OXR1: variants seen among roughly 807,000 people sequenced by gnomAD.
OXR1 encodes oxidation resistance protein 1.
Under a neutral mutation model 104.6 loss-of-function variants are expected in OXR1, and 41 were observed. The observed-to-expected ratio is 0.39, with a 90% CI of 0.31 to 0.51. The LOEUF is 0.51. OXR1 is among the 20% of genes least tolerant of loss of function. The pLI is 0.77. For missense variants in OXR1, 955 were observed against 1,031.9 expected (o/e 0.93, Z 1.02); for synonymous variants, 348 against 348.4 (o/e 1.00, Z 0.01).
intron 1 of OXR1, among the ~76,000 whole-genome samples, chr8:106,292,806 C>T (rs1450361046): frequency 3.9e-5 from 6 of 152,108 alleles, no homozygotes; most frequent in Admixed American, 1.3e-4. Context: ...TGTGAGGTAG[C>T]GAAAATCAAG....
intron 2 of OXR1, among the ~76,000 whole-genome samples, chr8:106,461,350 T>C (rs1820902356): frequency 6.6e-6 from 1 of 152,054 alleles, no homozygotes; most frequent in Admixed American, 6.6e-5. Context: ...GGTAGGTGGA[T>C]CACTTGAGGT....
chr8:106,697,337 GGC>G, intron 7 of OXR1: 1 of 979,948 alleles, frequency 1.0e-6, no homozygotes, highest in South Asian at 1.6e-5. Flanking sequence ...AGAGCTCTGG[GGC>G]TCTCTGGGAA....
chr8:106,668,020 A>G (rs1217850144), intron 3 of OXR1, among the ~76,000 whole-genome samples: 1 of 151,352 alleles, frequency 6.6e-6, no homozygotes, highest in East Asian at 1.9e-4. Flanking sequence ...ATCTTGTTTC[A>G]GTTTTAGGTG....
chr8:106,552,175 G>A (rs1468396001), intron 3 of OXR1, among the ~76,000 whole-genome samples: 3 of 152,042 alleles, frequency 2.0e-5, no homozygotes, highest in Non-Finnish European at 4.4e-5. Context: ...AGAACAGGGA[G>A]GATTTATTCA....
chr8:106,703,586 T>A (rs1015481562), intron 8 of OXR1, among the ~76,000 whole-genome samples: 13 of 152,072 alleles, frequency 8.5e-5, no homozygotes, highest in Admixed American at 8.5e-4. Flanking sequence ...CAGTGTAAAG[T>A]ACAGGGAAGA....
chr8:106,549,937 T>G (rs1028460029), intron 3 of OXR1, among the ~76,000 whole-genome samples: 2 of 152,168 alleles, frequency 1.3e-5, no homozygotes, highest in Non-Finnish European at 2.9e-5. Flanking sequence ...TTAGCAGAGG[T>G]CACCTTGAAT....
chr8:106,509,847 C>T (rs1329989135), intron 2 of OXR1, among the ~76,000 whole-genome samples: 1 of 152,214 alleles, frequency 6.6e-6, no homozygotes. Flanking sequence ...TCTCAGCTCA[C>T]TGAGCCTCTG....
At chr8:106,410,443 A>G (rs1398305422) in intron 2 of OXR1, among the ~76,000 whole-genome samples, 2 of 152,164 alleles carry the variant, frequency 1.3e-5, no homozygotes, top group African/African-American at 4.8e-5. Context: ...AGAAATATGT[A>G]ATTCCTTCAA....
rs1825288565 is a variant in OXR1, at chr8:106,657,888, G to A, written c.221-21322G>A. The A allele has an allele frequency of 4.8e-6, 6 of 1,245,252 alleles. No homozygotes were observed. In the East Asian group the frequency reaches 9.5e-5, roughly 20 times the overall value. The allele number at this position is 1,245,252 out of a possible 1,614,324, so 77.1% of individuals were successfully genotyped here. A position where few individuals can be genotyped will look rare whatever the true frequency, so the allele number is the denominator to read the frequency against. On this transcript the variant is annotated intron_variant, in intron 3 of 16. Coordinates refer to ENST00000517566, the MANE Select transcript of OXR1 (RefSeq NM_001198533.2). ...GAGGCGCGCGGAGCCGCCTCCCCTG[G>A]GTCAGGTCTGATGGGCCGGTGGGCG...
At chr8:106,281,288 G>T (rs1586466962) in intron 1 of OXR1, among the ~76,000 whole-genome samples, 1 of 152,202 alleles carries the variant, frequency 6.6e-6, no homozygotes, top group African/African-American at 2.4e-5. Context: ...GTTCATAATT[G>T]CTCCAAATTG....
intron 2 of OXR1, among the ~76,000 whole-genome samples, chr8:106,404,824 G>A (rs1818150887): frequency 6.6e-6 from 1 of 151,926 alleles, no homozygotes; most frequent in African/African-American, 2.4e-5. Context: ...TCCTGCCTCA[G>A]CCTCCTGAGT....
At chr8:106,321,379 G>A (rs1402755775) in intron 1 of OXR1, among the ~76,000 whole-genome samples, 1 of 152,156 alleles carries the variant, frequency 6.6e-6, no homozygotes, top group Non-Finnish European at 1.5e-5. Flanking sequence ...GAGGGTCCTT[G>A]GACAGTGGAC....
chr8:106,409,463 G>GGAGGGATTTAACAA (rs1218113602), intron 2 of OXR1, among the ~76,000 whole-genome samples: 3 of 152,056 alleles, frequency 2.0e-5, no homozygotes, highest in African/African-American at 7.2e-5. Flanking sequence ...CAGGAAGGGA[G>GGAGGGATTTAACAA]GAGGGATTTA....
chr8:106,546,001 A>AG (rs938523775), intron 3 of OXR1, among the ~76,000 whole-genome samples: 1 of 151,726 alleles, frequency 6.6e-6, no homozygotes, highest in African/African-American at 2.4e-5. Context: ...GTCAAAAAAA[A>AG]AAAAAAATTG....
intron 11 of OXR1, among the ~76,000 whole-genome samples, chr8:106,727,608 C>G (rs1833473933): frequency 6.6e-6 from 1 of 151,992 alleles, no homozygotes; most frequent in Non-Finnish European, 1.5e-5. Flanking sequence ...TTTATAGAGA[C>G]TAGGTTTCGC....
chr8:106,389,123 A>C (rs1817497916), intron 2 of OXR1, among the ~76,000 whole-genome samples: 1 of 152,228 alleles, frequency 6.6e-6, no homozygotes. Flanking sequence ...TCCTGAGAAC[A>C]ATACTGTATT....
intron 2 of OXR1, among the ~76,000 whole-genome samples, chr8:106,447,030 TC>T (rs1820037681): frequency 6.6e-6 from 1 of 152,198 alleles, no homozygotes; most frequent in South Asian, 2.1e-4. Flanking sequence ...TTCAACATAT[TC>T]CTTAAAAGAC....
At chr8:106,510,926 T>C (rs1465947143) in intron 2 of OXR1, among the ~76,000 whole-genome samples, 1 of 152,234 alleles carries the variant, frequency 6.6e-6, no homozygotes, top group Non-Finnish European at 1.5e-5. Flanking sequence ...TGTTGAAGCA[T>C]TTTTGCTTTG....
At chr8:106,445,637 T>A (rs1391509506) in intron 2 of OXR1, among the ~76,000 whole-genome samples, 2 of 152,198 alleles carry the variant, frequency 1.3e-5, no homozygotes, top group African/African-American at 2.4e-5. Context: ...TAGACCTTAT[T>A]TACTTTTTAA....
Sources: allele counts gnomAD v4.1 joint callset (sites outside exome capture counted in the v4.1 genomes callset), GRCh38; gene constraint gnomAD v4.1.1; transcripts MANE v1.5; gene names NCBI Gene and HGNC (gene_info 2026-07-23, HGNC 2026-07-21).